The following ANKRD12 variants were observed in gnomAD, a reference collection of about 807,000 sequenced individuals.
ANKRD12 encodes the protein ankyrin repeat domain-containing protein 12.
A neutral mutation model predicts 183.4 loss-of-function variants in ANKRD12; 85 were observed. That is an observed-to-expected ratio of 0.46 (90% CI 0.39 to 0.56). The LOEUF is 0.56. Ranked by LOEUF, ANKRD12 falls within the 20% of genes least tolerant of loss-of-function variation. The pLI is 0.00. For synonymous variants in ANKRD12, 914 were observed against 800.2 expected (o/e 1.14, Z -2.40); for missense variants, 2,405 against 2,357.1 (o/e 1.02, Z -0.42).
intron 1 of ANKRD12, among the ~76,000 whole-genome samples, chr18:9,181,743 C>G (rs927352462): frequency 9.2e-5 from 14 of 152,104 alleles, no homozygotes; most frequent in African/African-American, 3.4e-4. Context: ...CAGGCATAAA[C>G]TTGTCATAAT....
In ANKRD12 at chr18:9,284,547, G is replaced by T. The variant is rs2145540308; in HGVS notation, c.*3421G>T. ...TAAAAATTATTTTTAAATATTTAGG[G>T]CAAAATTTTTGTTAGATAATAATGG... On this transcript the variant is annotated 3_prime_UTR_variant, in exon 13 of 13. Coordinates refer to ENST00000262126, the MANE Select transcript of ANKRD12 (RefSeq NM_015208.5). 6.6e-6 allele frequency: 1 copy of T among 152,160 alleles called. No individual in the cohort carries two copies. Among genetic ancestry groups the T allele is most frequent in the Non-Finnish European group, 1.5e-5 (1 of 68,004 alleles). 9.4% of individuals were successfully genotyped at this position (152,160 alleles called of 1,614,324 possible). A position where few individuals can be genotyped will look rare whatever the true frequency, so the allele number is the denominator to read the frequency against.
chr18:9,236,090 C>T (rs374328436), intron 8 of ANKRD12, among the ~76,000 whole-genome samples: 3 of 151,894 alleles, frequency 2.0e-5, no homozygotes, highest in Admixed American at 1.3e-4. Context: ...ACGGCTTCAA[C>T]TAAACTATCA....
chr18:9,227,024 G>T (rs1166881948), intron 8 of ANKRD12, among the ~76,000 whole-genome samples: 1 of 152,114 alleles, frequency 6.6e-6, no homozygotes, highest in Non-Finnish European at 1.5e-5. Context: ...ACAAGGAAAT[G>T]GACAGTAGAT....
chr18:9,149,029 C>G (rs1156925291), intron 1 of ANKRD12, among the ~76,000 whole-genome samples: 1 of 152,162 alleles, frequency 6.6e-6, no homozygotes, highest in Non-Finnish European at 1.5e-5. Flanking sequence ...CCAGCCCCAT[C>G]TATATCTACC....
chr18:9,169,937 G>T (rs2032515397), intron 1 of ANKRD12, among the ~76,000 whole-genome samples: 1 of 152,138 alleles, frequency 6.6e-6, no homozygotes, highest in Admixed American at 6.5e-5. Context: ...GCATTTGCTT[G>T]TCTGTAAAGT....
chr18:9,239,939 C>T (rs917531981), intron 8 of ANKRD12, among the ~76,000 whole-genome samples: 2 of 152,150 alleles, frequency 1.3e-5, no homozygotes, highest in African/African-American at 4.8e-5. Flanking sequence ...TCAGAGTAGC[C>T]TTTCCATTAA....
At chr18:9,279,932 G>C (rs1408595660) in intron 12 of ANKRD12, among the ~76,000 whole-genome samples, 1 of 152,098 alleles carries the variant, frequency 6.6e-6, no homozygotes. Context: ...GAAAGAATAG[G>C]AGAATGGTAA....
intron 8 of ANKRD12, among the ~76,000 whole-genome samples, chr18:9,229,070 C>T (rs901682221): frequency 4.6e-5 from 7 of 152,064 alleles, no homozygotes; most frequent in Admixed American, 1.3e-4. Context: ...AGATGGTATT[C>T]GTCCCTCAGT....
Position 9,258,612 on chromosome 18 carries a change from A to T in ANKRD12, c.5345A>T (p.His1782Leu), listed in dbSNP as rs150729767. The T allele has an allele frequency of 9.3e-6, 15 of 1,613,910 alleles. No individual in the cohort carries two copies. Among genetic ancestry groups the T allele is most frequent in the Non-Finnish European group, 5.1e-6 (6 of 1,179,910 alleles). ...ACTGAAGATGACGATCCTCAAATTC[A>T]CCATCCACGGAAAAGGAAAGTGTCA... ...RLTEDDDPQI[H>L]HPRKRKVSRV... Residue 1782 changes from histidine to leucine, a missense_variant, in exon 9 of 13, where the codon CAC becomes CTC. Coordinates refer to ENST00000262126, the MANE Select transcript of ANKRD12 (RefSeq NM_015208.5).
chr18:9,145,553 C>A (rs1436755641), intron 1 of ANKRD12, among the ~76,000 whole-genome samples: 1 of 152,140 alleles, frequency 6.6e-6, no homozygotes. Context: ...TGTAAAGACA[C>A]GAATCATTCT....
intron 1 of ANKRD12, among the ~76,000 whole-genome samples, chr18:9,181,060 G>A (rs546786533): frequency 6.6e-6 from 1 of 152,240 alleles, no homozygotes; most frequent in South Asian, 2.1e-4. Context: ...TTGTTTATAC[G>A]TTAATGAAAT....
At chr18:9,265,067 G>A (rs1305062950) in intron 10 of ANKRD12, among the ~76,000 whole-genome samples, 3 of 151,236 alleles carry the variant, frequency 2.0e-5, no homozygotes, top group East Asian at 1.9e-4. Context: ...AGGCGGGAGC[G>A]AGGCTGGGGG....
chr18:9,153,983 C>CT (rs1263451240), intron 1 of ANKRD12, among the ~76,000 whole-genome samples: 2 of 152,082 alleles, frequency 1.3e-5, no homozygotes, highest in Admixed American at 6.6e-5. Flanking sequence ...TCTTCTAGCT[C>CT]TAAGAGGATT....
intron 10 of ANKRD12, among the ~76,000 whole-genome samples, chr18:9,275,030 T>G (rs1383946372): frequency 6.6e-6 from 1 of 151,198 alleles, no homozygotes; most frequent in African/African-American, 2.4e-5. Flanking sequence ...CAAAAAAAAA[T>G]TAAAATAATA....
intron 8 of ANKRD12, among the ~76,000 whole-genome samples, chr18:9,229,243 T>C (rs1012392587): frequency 6.6e-6 from 1 of 152,204 alleles, no homozygotes; most frequent in African/African-American, 2.4e-5. Flanking sequence ...TCCAGCTTTG[T>C]TCTATTTGCT....
intron 1 of ANKRD12, among the ~76,000 whole-genome samples, chr18:9,146,057 A>G (rs1188523195): frequency 6.6e-6 from 1 of 152,226 alleles, no homozygotes; most frequent in African/African-American, 2.4e-5. Context: ...GGTCTCTTCA[A>G]AAAGGCCAAG....
intron 8 of ANKRD12, among the ~76,000 whole-genome samples, chr18:9,230,838 T>C (rs1477865098): frequency 6.6e-6 from 1 of 151,926 alleles, no homozygotes; most frequent in Non-Finnish European, 1.5e-5. Context: ...TTTGTATTTT[T>C]TTTTTTTTTA....
intron 1 of ANKRD12, among the ~76,000 whole-genome samples, chr18:9,181,038 A>G (rs894730258): frequency 6.6e-6 from 1 of 152,168 alleles, no homozygotes; most frequent in Admixed American, 6.5e-5. Flanking sequence ...GGACAGTGCT[A>G]TGTTTAAATT....
intron 1 of ANKRD12, among the ~76,000 whole-genome samples, chr18:9,180,757 T>C (rs1047799215): frequency 5.9e-5 from 9 of 152,158 alleles, no homozygotes; most frequent in Admixed American, 4.6e-4. Context: ...TAAATAGTTA[T>C]TGAAAAATGG....
Sources: allele counts gnomAD v4.1 joint callset (sites outside exome capture counted in the v4.1 genomes callset), GRCh38; gene constraint gnomAD v4.1.1; transcripts MANE v1.5; gene names NCBI Gene and HGNC (gene_info 2026-07-23, HGNC 2026-07-21).